The following FKBP15 variants were observed in gnomAD, a reference collection of about 807,000 sequenced individuals.
FKBP15 encodes FK506-binding protein 15.
In FKBP15, 106 loss-of-function variants were observed where a neutral mutation model predicts 158.1. That is an observed-to-expected ratio of 0.67 (90% CI 0.57 to 0.79). The LOEUF (loss-of-function observed/expected upper bound fraction) is 0.79. Ranked by LOEUF, FKBP15 falls within the 30% of genes least tolerant of loss-of-function variation. FKBP15 has a pLI of 0.00. For missense variants in FKBP15, 1,287 were observed against 1,479.1 expected, an observed-to-expected ratio of 0.87 and a Z score of 2.13; for synonymous variants, 547 against 548.6, an observed-to-expected ratio of 1.00 and a Z score of 0.04.
At position 113,188,453 on chromosome 9, in the gene FKBP15, C is replaced by A; in HGVS notation, c.1212G>T (p.Val404=). 1 of 1,613,926 alleles carries A rather than the reference C, an allele frequency of 6.2e-7. No individual in the cohort carries two copies. Among genetic ancestry groups the A allele is most frequent in the Non-Finnish European group, 8.5e-7 (1 of 1,179,856 alleles). The change falls in exon 13 of 28, where the codon GTG becomes GTT. Residue 404 remains valine, a synonymous_variant. Transcript: ENST00000238256. ...GAAGAGAGGGCTGGACGGACGGAGT[C>A]ACCACAGGCTGCCCACCTCCTTGCA... ...NTLQGGGQPV[V]TPSVQPSLHP...
rs1187360697 is a variant in FKBP15, at chr9:113,184,818, A to G, written c.1499-14T>C. On this transcript the variant is annotated splice_polypyrimidine_tract_variant and intron_variant, in intron 15 of 27. Coordinates refer to ENST00000238256, the MANE Select transcript of FKBP15 (RefSeq NM_015258.2). This position sits in a 1 kb window ranked among gnomAD's most constrained non-coding sequence, Gnocchi z 4.5. ...TATCACCTGATCCTAAACAGATACA[A>G]GCCAAAAAGAAACTTATGAAACTGG... 1 of 1,571,950 alleles carries G rather than the reference A, an allele frequency of 6.4e-7. No homozygotes were observed. The highest frequency in any genetic ancestry group is 1.3e-5 in the African/African-American group (1 of 74,284).
At chr9:113,214,168 T>C (rs944057557) in intron 1 of FKBP15, among the ~76,000 whole-genome samples, 1 of 152,220 alleles carries the variant, frequency 6.6e-6, no homozygotes, top group Non-Finnish European at 1.5e-5. Flanking sequence ...CTAATTTCTA[T>C]ATTTTTTGTA....
Position 113,188,371 on chromosome 9 carries a change from C to T in FKBP15, c.1276+18G>A. ...CTGACCCAGTTCAAGGCCACAGAGC[C>T]TCAGAGAGGTTCCTTACCCTGTGAG... is the stretch of plus-strand genomic sequence containing the variant. On this transcript the variant is annotated intron_variant, in intron 13 of 27. Transcript: ENST00000238256. 6.3e-7 allele frequency: 1 copy of T among 1,591,220 alleles called. No homozygotes were observed. Among genetic ancestry groups the T allele is most frequent in the Non-Finnish European group, 8.6e-7 (1 of 1,159,502 alleles).
At chr9:113,202,824 G>T in intron 5 of FKBP15, 137 bp downstream of exon 5, 1 of 806,850 alleles carries the variant, frequency 1.2e-6, no homozygotes, top group Non-Finnish European at 2.0e-6. Flanking sequence ...AGACCTTTCT[G>T]AAAGGTTCTG....
intron 10 of FKBP15, 35 bp downstream of exon 10, chr9:113,193,992 C>A (rs762046667): frequency 3.8e-6 from 6 of 1,567,188 alleles, no homozygotes; most frequent in Non-Finnish European, 5.2e-6. Context: ...TTTTTATGAG[C>A]CATAAAAGAG....
At chr9:113,199,238 C>T (rs1176349192) in intron 7 of FKBP15, among the ~76,000 whole-genome samples, 1 of 151,994 alleles carries the variant, frequency 6.6e-6, no homozygotes, top group African/African-American at 2.4e-5. Context: ...CTAACCCTGC[C>T]GAGTAAGCAG....
At chr9:113,177,000 C>G (rs1830310530) in intron 20 of FKBP15, among the ~76,000 whole-genome samples, 4 of 152,224 alleles carry the variant, frequency 2.6e-5, no homozygotes, top group African/African-American at 9.6e-5. Context: ...CATCACCTCA[C>G]TGACCAGCAA....
At chr9:113,196,188 T>C (rs1564173976) in intron 9 of FKBP15, among the ~76,000 whole-genome samples, 1 of 152,164 alleles carries the variant, frequency 6.6e-6, no homozygotes, top group Non-Finnish European at 1.5e-5. Flanking sequence ...TTTAGGTTGT[T>C]GCCAGTTTTT....
intron 24 of FKBP15, among the ~76,000 whole-genome samples, chr9:113,170,839 G>C (rs1830195362): frequency 6.6e-6 from 1 of 152,194 alleles, no homozygotes. Flanking sequence ...CTAGTCATGA[G>C]AGTTACCTAT....
At chr9:113,202,275 T>G (rs1008126186) in intron 6 of FKBP15, among the ~76,000 whole-genome samples, 1 of 152,168 alleles carries the variant, frequency 6.6e-6, no homozygotes, top group Non-Finnish European at 1.5e-5. Context: ...AGTAGAAAAT[T>G]TTTTAATATA....
At chr9:113,171,155 TG>T (rs1472286056) in intron 24 of FKBP15, among the ~76,000 whole-genome samples, 3 of 152,228 alleles carry the variant, frequency 2.0e-5, no homozygotes, top group Non-Finnish European at 2.9e-5. Flanking sequence ...GGGCCGGGCA[TG>T]GTGGCTCATG....
At chr9:113,193,367 G>A (rs1010003951) in intron 11 of FKBP15, 125 bp downstream of exon 11, 45 of 577,370 alleles carry the variant, frequency 7.8e-5, no homozygotes, top group Middle Eastern at 5.5e-4. Context: ...GAGAGACGAG[G>A]TCTCACTATG....
At chr9:113,199,701 C>T in intron 7 of FKBP15, 113 bp downstream of exon 7, 1 of 1,177,796 alleles carries the variant, frequency 8.5e-7, no homozygotes, top group South Asian at 1.7e-5. Flanking sequence ...AGTGGGGATC[C>T]TAAAATATTT....
chr9:113,217,061 G>A (rs946607056), intron 1 of FKBP15, among the ~76,000 whole-genome samples: 1 of 151,444 alleles, frequency 6.6e-6, no homozygotes, highest in Non-Finnish European at 1.5e-5. Flanking sequence ...CCGCCACCAG[G>A]CCTGGCTAAT....
chr9:113,188,554 ACTGT>A (rs1830522579), intron 12 of FKBP15, 63 bp from the exon 13 acceptor site: 5 of 1,346,186 alleles, frequency 3.7e-6, no homozygotes, highest in Non-Finnish European at 5.3e-6. Context: ...ACTGAGGCTG[ACTGT>A]CTGCCCTAAA....
chr9:113,207,525 A>C (rs1204799712), intron 2 of FKBP15, among the ~76,000 whole-genome samples: 1 of 151,624 alleles, frequency 6.6e-6, no homozygotes, highest in East Asian at 1.9e-4. Flanking sequence ...TTTTTAGTAG[A>C]GATGGGGTTT....
At chr9:113,195,436 G>C (rs1395483495) in intron 9 of FKBP15, among the ~76,000 whole-genome samples, 1 of 152,074 alleles carries the variant, frequency 6.6e-6, no homozygotes, top group African/African-American at 2.4e-5. Context: ...TCTATCACCA[G>C]CCATGATTTC....
intron 12 of FKBP15, 71 bp downstream of exon 12, chr9:113,190,400 T>C: frequency 7.8e-7 from 1 of 1,276,222 alleles, no homozygotes; most frequent in South Asian, 1.3e-5. Context: ...AAACAATCAC[T>C]CCAACCAAAT....
intron 17 of FKBP15, 114 bp from the exon 18 acceptor site, chr9:113,183,959 A>T: frequency 1.3e-6 from 1 of 747,110 alleles, no homozygotes; most frequent in Non-Finnish European, 2.3e-6. Flanking sequence ...GAGACAAAAC[A>T]CTAGAACTTA....
Sources: allele counts gnomAD v4.1 joint callset (sites outside exome capture counted in the v4.1 genomes callset), GRCh38; gene constraint gnomAD v4.1.1; non-coding constraint Gnocchi (gnomAD v3.1); transcripts MANE v1.5; gene names NCBI Gene and HGNC (gene_info 2026-07-23, HGNC 2026-07-21).